NEB: variants seen among roughly 807,000 people sequenced by gnomAD.
NEB encodes the protein nemaline myopathy type 2.
In NEB, 512 loss-of-function variants were observed where a neutral mutation model predicts 952.2. That is an observed-to-expected ratio of 0.54 (90% CI 0.50 to 0.58). The LOEUF (loss-of-function observed/expected upper bound fraction) is 0.58. Among genes scored for constraint, NEB ranks in the 20% least tolerant of loss-of-function variants. The pLI is 0.00. For missense variants in NEB, 8,428 were observed against 9,231.1 expected, an observed-to-expected ratio of 0.91 and a Z score of 3.56; for synonymous variants, 2,900 against 3,149.8, an observed-to-expected ratio of 0.92 and a Z score of 2.66.
Position 151,640,680 on chromosome 2 carries a change from A to C in NEB, c.8374-14T>G. 1 of 1,602,424 alleles carries C rather than the reference A, an allele frequency of 6.2e-7. No homozygotes were observed. The highest frequency in any genetic ancestry group is 8.5e-7 in the Non-Finnish European group (1 of 1,171,846). The stretch of plus-strand genomic sequence containing the variant: ...TTTGTACTTGAACTAAAAGAAGAAA[A>C]AGACAGATAGTCATCTGTTTTAACT... On this transcript the variant is annotated splice_polypyrimidine_tract_variant and intron_variant, in intron 60 of 181. Transcript: ENST00000397345.
chr2:151,500,718 C>T (rs892895635), intron 168 of NEB, among the ~76,000 whole-genome samples: 2 of 151,826 alleles, frequency 1.3e-5, no homozygotes, highest in Non-Finnish European at 1.5e-5. Flanking sequence ...CCACCTCAGC[C>T]TCCCAAGTAG....
rs933104733 is a variant in NEB at position 151,575,918 on chromosome 2, G to A, written c.16909-119C>T. 3 of 819,930 alleles carry A rather than the reference G, an allele frequency of 3.7e-6. No homozygotes were observed. In the Admixed American group the frequency reaches 6.6e-5, roughly 18 times the overall value. The allele number at this position is 819,930 out of a possible 1,614,324, so 50.8% of individuals were successfully genotyped here. A position where few individuals can be genotyped will look rare whatever the true frequency, so the allele number is the denominator to read the frequency against. ...CAAAACCCTTTCATGTTAGGGCAAA[G>A]ATTTCTGGAATCTTTTCACGTAAGT... On this transcript the variant is annotated intron_variant, in intron 106 of 181. Transcript: ENST00000397345.
At chr2:151,521,403 C>T (rs565372251) in intron 153 of NEB, among the ~76,000 whole-genome samples, 1 of 152,024 alleles carries the variant, frequency 6.6e-6, no homozygotes, top group Non-Finnish European at 1.5e-5. Context: ...AAGTTTCACT[C>T]TCAACATAAA....
chr2:151,722,332 G>A (rs968175184), intron 9 of NEB, among the ~76,000 whole-genome samples: 5 of 152,152 alleles, frequency 3.3e-5, no homozygotes, highest in African/African-American at 1.2e-4. Flanking sequence ...GGGTCTCTCT[G>A]CTGCTGTTGC....
chr2:151,733,152 G>A lies in NEB; in HGVS notation c.5C>T (p.Ala2Val). M[A>V]DDEDYEEVVE... ...CACCTCCTCATAGTCTTCGTCATCT[G>A]CCATTTTTCCAGAGTAGTAGTGGCA... The change falls in exon 3 of 182, where the codon GCA becomes GTA. Residue 2 changes from alanine to valine, a missense_variant. Coordinates refer to ENST00000397345, the MANE Select transcript of NEB (RefSeq NM_001164508.2). The A allele has an allele frequency of 6.2e-7, 1 of 1,604,154 alleles. No individual in the cohort carries two copies. Among genetic ancestry groups the A allele is most frequent in the South Asian group, 1.1e-5 (1 of 89,180 alleles).
In NEB at chr2:151,499,412, C is replaced by G. The variant is rs897084741; in HGVS notation, c.24022-22G>C. On this transcript the variant is annotated intron_variant, in intron 168 of 181. Transcript: ENST00000397345. Reference sequence around the variant, plus strand: ...ACACCTGTATGACACAAGAAAGCATCCAGAAAAAACAAGAGCAGTCAAAAC... The same window carrying G: ...ACACCTGTATGACACAAGAAAGCATGCAGAAAAAACAAGAGCAGTCAAAAC... The G allele has an allele frequency of 5.0e-6, 7 of 1,402,348 alleles. No individual in the cohort carries two copies. The Admixed American group carries it at 1.4e-4, about 28-fold the overall frequency. The allele number at this position is 1,402,348 out of a possible 1,614,324, so 86.9% of individuals were successfully genotyped here. A position where few individuals can be genotyped will look rare whatever the true frequency, so the allele number is the denominator to read the frequency against.
Position 151,618,370 on chromosome 2 carries a change from T to C in NEB, c.10981A>G (p.Ile3661Val). The C allele has an allele frequency of 6.2e-7, 1 of 1,613,982 alleles. No homozygotes were observed. The highest frequency in any genetic ancestry group is 8.5e-7 in the Non-Finnish European group (1 of 1,179,864). ...AGCGTTTCTGGACGCTGACGGTAGATAGTATCACTAAGTAATTCTCCAGCT... is the reference window on the plus strand; with the variant it reads ...AGCGTTTCTGGACGCTGACGGTAGACAGTATCACTAAGTAATTCTCCAGCT... ...KRAGELLSDT[I>V]YRQRPETLKF... Residue 3661 changes from isoleucine to valine, a missense_variant, in exon 74 of 182, where the codon ATC becomes GTC. Around this residue, in one of 11 missense-constraint regions of NEB, gnomAD observed 1,772 missense variants for 1,960.3 expected, o/e 0.90. Transcript: ENST00000397345.
chr2:151,642,708 G>T (rs1351540329), intron 59 of NEB, 27 bp from the exon 60 acceptor site: 2 of 1,609,418 alleles, frequency 1.2e-6, no homozygotes, highest in African/African-American at 2.7e-5. Context: ...TAGTAAGTTG[G>T]ATTTATAAAG....
chr2:151,552,748 GT>G lies in NEB; in HGVS notation c.19759del (p.Thr6587GlnfsTer24). ...TGTGACAAGCTTGTAGTCATTCCTT[GT>G]TTTCAACATGTGAGCTTTATACTTG... ...DIKYKAHMLK[T>X]RNDYKLVTDT... On this transcript the variant is annotated frameshift_variant, in exon 128 of 182. Transcript: ENST00000397345. LOFTEE classifies it high-confidence loss of function. 6.2e-7 allele frequency: 1 copy of G among 1,613,110 alleles called. No individual in the cohort carries two copies. Among genetic ancestry groups the G allele is most frequent in the Non-Finnish European group, 8.5e-7 (1 of 1,179,448 alleles).
chr2:151,490,306 C>A, intron 180 of NEB, 66 bp downstream of exon 180: 1 of 1,540,274 alleles, frequency 6.5e-7, no homozygotes, highest in Non-Finnish European at 8.8e-7. Context: ...CTCAAAGCAT[C>A]TCTTATAGTA....
Position 151,583,786 on chromosome 2 carries a change from T to A in NEB, c.15664-20A>T. The A allele has an allele frequency of 2.8e-6, 1 of 361,598 alleles. No individual in the cohort carries two copies. Among genetic ancestry groups the A allele is most frequent in the South Asian group, 2.7e-5 (1 of 37,106 alleles). The allele number at this position is 361,598 out of a possible 1,614,324, so 22.4% of individuals were successfully genotyped here. ...TTTGTACTAAAGTAGTAAGAAATCA[T>A]ATTAAAAAGACATATGAAAATAATG... On this transcript the variant is annotated intron_variant, in intron 100 of 181. Coordinates refer to ENST00000397345, the MANE Select transcript of NEB (RefSeq NM_001164508.2).
At chr2:151,649,461 A>C (rs2099004916) in intron 54 of NEB, among the ~76,000 whole-genome samples, 1 of 152,168 alleles carries the variant, frequency 6.6e-6, no homozygotes, top group South Asian at 2.1e-4. Flanking sequence ...AGATCCTCCT[A>C]ATAACAGACG....
At chr2:151,716,578 T>C (rs1372187871) in intron 10 of NEB, among the ~76,000 whole-genome samples, 2 of 152,136 alleles carry the variant, frequency 1.3e-5, no homozygotes, top group Non-Finnish European at 2.9e-5. Context: ...TCCAAACAGC[T>C]CATAGTTACA....
rs2153702280 is a variant in NEB at position 151,561,054 on chromosome 2, C to A, written c.19156G>T (p.Glu6386Ter). 1 of 1,609,092 alleles carries A rather than the reference C, an allele frequency of 6.2e-7. No homozygotes were observed. Among genetic ancestry groups the A allele is most frequent in the Admixed American group, 1.7e-5 (1 of 59,520 alleles). Residue 6386 changes from glutamate (E) to a stop codon, truncating the protein, a stop_gained, in exon 123 of 182, where the codon GAA (glutamate) becomes TAA (stop). Coordinates refer to ENST00000397345, the MANE Select transcript of NEB (RefSeq NM_001164508.2). LOFTEE classifies it high-confidence loss of function. ...CTGGTTCTGTCATAATCCACTGTTT[C>A]TAGAACTGTTGTGTATTTGTCCTTA... ...QIKDKYTTVL[E>*]TVDYDRTRNL...
intron 80 of NEB, 103 bp downstream of exon 80, chr2:151,610,413 G>T: frequency 1.2e-6 from 1 of 853,394 alleles, no homozygotes; most frequent in Non-Finnish European, 1.9e-6. Context: ...AGTAGGACTG[G>T]AAGGTACATG....
intron 29 of NEB, 85 bp from the exon 30 acceptor site, chr2:151,680,913 C>A (rs565002768): frequency 2.7e-6 from 3 of 1,104,090 alleles, no homozygotes; most frequent in Non-Finnish European, 4.1e-6. Flanking sequence ...TATTTTGAAG[C>A]GAAAAGGAAG....
chr2:151,489,925 T>C (rs376082951), intron 181 of NEB, 46 bp downstream of exon 181: 8 of 1,432,412 alleles, frequency 5.6e-6, no homozygotes, highest in Non-Finnish European at 6.9e-6. Flanking sequence ...TTTGCACATA[T>C]CAAAAATTAA....
chr2:151,688,137 A>G (rs1234225426), intron 25 of NEB, among the ~76,000 whole-genome samples, 155 bp downstream of exon 25: 1 of 152,218 alleles, frequency 6.6e-6, no homozygotes, highest in Non-Finnish European at 1.5e-5. Context: ...GATAAGTAGG[A>G]GTCTTAAGAG....
chr2:151,519,780 T>C lies in NEB; in HGVS notation c.22480-12A>G, dbSNP rs762819829. On this transcript the variant is annotated splice_polypyrimidine_tract_variant and intron_variant, in intron 153 of 181. Transcript: ENST00000397345. Reference sequence around the variant, plus strand: ...TCTCGGTATTTAACCTAACAGCAAATGCAAACATCCAAATTATTCCTGGAC... The same window carrying C: ...TCTCGGTATTTAACCTAACAGCAAACGCAAACATCCAAATTATTCCTGGAC... 6.6e-6 allele frequency: 10 copies of C among 1,519,426 alleles called. No homozygotes were observed. Among genetic ancestry groups the C allele is most frequent in the Non-Finnish European group, 8.2e-6 (9 of 1,094,470 alleles). 94.1% of individuals were successfully genotyped at this position (1,519,426 alleles called of 1,614,324 possible). A position where few individuals can be genotyped will look rare whatever the true frequency, so the allele number is the denominator to read the frequency against.
Sources: allele counts gnomAD v4.1 joint callset (sites outside exome capture counted in the v4.1 genomes callset), GRCh38; gene constraint gnomAD v4.1.1; regional missense constraint gnomAD v4.1.1; transcripts MANE v1.5; gene names NCBI Gene and HGNC (gene_info 2026-07-23, HGNC 2026-07-21).